SHANK2: variants seen among roughly 807,000 people sequenced by gnomAD.
SHANK2 encodes the protein SH3 and multiple ankyrin repeat domains 2.
In SHANK2, 43 loss-of-function variants were observed where a neutral mutation model predicts 133.7. The ratio of observed to expected loss-of-function variants is 0.32; its 90% CI spans 0.25 to 0.41. SHANK2 has a LOEUF of 0.41. SHANK2 is among the 10% of genes least tolerant of loss of function. SHANK2 has a pLI of 1.00. For missense variants in SHANK2, 1,994 were observed against 2,235.8 expected, an observed-to-expected ratio of 0.89 and a Z score of 2.18; for synonymous variants, 1,017 against 952.8, an observed-to-expected ratio of 1.07 and a Z score of -1.24.
chr11:70,944,093 A>C (rs1210540190), intron 10 of SHANK2: 9 of 390,592 alleles, frequency 2.3e-5, no homozygotes, highest in Non-Finnish European at 4.6e-5. Flanking sequence ...AGTCGACTGC[A>C]ATTCTATTTC....
intron 2 of SHANK2, among the ~76,000 whole-genome samples, chr11:71,166,899 A>G (rs1234226721): frequency 7.1e-6 from 1 of 140,652 alleles, no homozygotes; most frequent in Non-Finnish European, 1.6e-5. Flanking sequence ...ACAAGTGAAC[A>G]AAGGTCTCTG....
chr11:70,888,592 G>C (rs139923234), intron 11 of SHANK2, among the ~76,000 whole-genome samples: 5,216 of 152,132 alleles, frequency 0.034, 313 homozygotes, highest in African/African-American at 0.12. Context: ...TGAGGTGGGT[G>C]GATCACCGGA....
intron 1 of SHANK2, among the ~76,000 whole-genome samples, chr11:71,250,109 C>A (rs1192674552): frequency 7.2e-6 from 1 of 138,268 alleles, no homozygotes; most frequent in African/African-American, 2.7e-5. Context: ...CCCAACAGAC[C>A]GCCCCCCTCC....
At chr11:70,737,182 C>T (rs1377673802) in intron 14 of SHANK2, among the ~76,000 whole-genome samples, 21 of 152,172 alleles carry the variant, frequency 1.4e-4, no homozygotes, top group Admixed American at 5.9e-4. Context: ...CTGGGTGCAG[C>T]CCCCCAGGGG....
intron 14 of SHANK2, among the ~76,000 whole-genome samples, chr11:70,733,168 G>A (rs534402136): frequency 2.6e-5 from 4 of 152,268 alleles, no homozygotes; most frequent in African/African-American, 9.6e-5. Context: ...TTTGCTTGAA[G>A]CGTGGAGAGG....
intron 11 of SHANK2, among the ~76,000 whole-genome samples, chr11:70,824,816 G>A (rs1174871697): frequency 4.6e-5 from 7 of 152,204 alleles, no homozygotes; most frequent in African/African-American, 1.7e-4. Context: ...GGGGCTGGGC[G>A]GGTGGATTAA....
chr11:70,630,628 G>A (rs2060972382), intron 17 of SHANK2, among the ~76,000 whole-genome samples: 1 of 152,174 alleles, frequency 6.6e-6, no homozygotes, highest in Non-Finnish European at 1.5e-5. Flanking sequence ...GGAAAATACA[G>A]ACACACAGAG....
chr11:71,090,013 C>T (rs923936714), intron 8 of SHANK2, among the ~76,000 whole-genome samples: 51 of 152,266 alleles, frequency 3.3e-4, no homozygotes, highest in African/African-American at 1.1e-3. Flanking sequence ...CAAAAACCTC[C>T]GAGTGCTGTG....
At position 71,175,553 on chromosome 11, in the gene SHANK2, A is replaced by AGG. The variant is rs1366726498; in HGVS notation, c.-12-28216_-12-28215insCC. Among the ~76,000 whole-genome samples, 27 of 26,328 alleles carry AGG rather than the reference A, an allele frequency of 1.0e-3. 1 individual carries two copies. The highest frequency in any genetic ancestry group is 2.8e-3 in the African/African-American group (10 of 3,522). 17.3% of individuals were successfully genotyped at this position (26,328 alleles called of 152,430 possible). On this transcript the variant is annotated intron_variant, in intron 2 of 25. Transcript: ENST00000601538. This position sits in a 1 kb window ranked among gnomAD's most constrained non-coding sequence, Gnocchi z 4.2. ...GACAGACAGAGGGAGAGGGAGAGGG[A>AGG]GAGAGAGAGAGAGAGAGAGAGAGAG...
chr11:70,590,690 T>C lies in SHANK2; in HGVS notation c.2061+69138A>G, dbSNP rs1410622504. ...CAATAAGGTATTTTAAATTAAGATA[T>C]GCACACTGCTTAGACATGATGCTAT... On this transcript the variant is annotated intron_variant, in intron 17 of 25. Transcript: ENST00000601538. Among the ~76,000 whole-genome samples the C allele has an allele frequency of 2.0e-5, 3 of 152,096 alleles. No individual in the cohort carries two copies. The East Asian group carries it at 5.8e-4, about 29-fold the overall frequency.
At chr11:70,691,753 G>A (rs1945294056) in intron 15 of SHANK2, among the ~76,000 whole-genome samples, 1 of 152,106 alleles carries the variant, frequency 6.6e-6, no homozygotes, top group African/African-American at 2.4e-5. Flanking sequence ...AATTAGCCAG[G>A]CATGGTGGCA....
At chr11:70,689,867 T>TG (rs1229804165) in intron 15 of SHANK2, among the ~76,000 whole-genome samples, 4 of 152,054 alleles carry the variant, frequency 2.6e-5, no homozygotes, top group Non-Finnish European at 5.9e-5. Flanking sequence ...TCTCAAAAAT[T>TG]GACAACAGAG....
chr11:71,067,769 T>C (rs1323859842), intron 9 of SHANK2, among the ~76,000 whole-genome samples: 3 of 151,846 alleles, frequency 2.0e-5, no homozygotes, highest in Non-Finnish European at 4.4e-5. Context: ...ACCATCACCA[T>C]CACTGCCATC....
At chr11:71,084,266 C>T (rs1030566130) in intron 8 of SHANK2, among the ~76,000 whole-genome samples, 35 of 152,138 alleles carry the variant, frequency 2.3e-4, no homozygotes, top group African/African-American at 8.2e-4. Context: ...CCACCGCACC[C>T]GGCCCGAATA....
intron 2 of SHANK2, among the ~76,000 whole-genome samples, chr11:71,222,107 C>T (rs1190435394): frequency 4.6e-5 from 7 of 151,924 alleles, no homozygotes; most frequent in African/African-American, 1.7e-4. Context: ...TCATCGACAT[C>T]CCCAAGAGGA....
chr11:71,089,281 G>A (rs1335308550), intron 8 of SHANK2, among the ~76,000 whole-genome samples: 2 of 152,156 alleles, frequency 1.3e-5, no homozygotes, highest in Admixed American at 6.5e-5. Context: ...ACAGCCAAGC[G>A]CAGCAAGGAG....
chr11:70,810,858 G>T (rs561857223), intron 12 of SHANK2, among the ~76,000 whole-genome samples: 20 of 152,292 alleles, frequency 1.3e-4, no homozygotes, highest in Non-Finnish European at 2.5e-4. Context: ...AGGCTGGACC[G>T]GCAGCAGCCA....
In SHANK2 at chr11:70,468,821, GACA is replaced by G. The variant is rs1414680211; in HGVS notation, c.*4045_*4047del. 6.6e-6 allele frequency: 1 copy of G among 152,206 alleles called. No individual in the cohort carries two copies. Among genetic ancestry groups the G allele is most frequent in the African/African-American group, 2.4e-5 (1 of 41,454 alleles). 9.4% of individuals were successfully genotyped at this position (152,206 alleles called of 1,614,324 possible). ...AGTAGAAGAAACTTTAGGAACTAAA[GACA>G]ACAAGTTTTCACTGGTGAGGCCAAA... On this transcript the variant is annotated 3_prime_UTR_variant, in exon 26 of 26. Transcript: ENST00000601538.
chr11:70,879,889 G>A (rs959672822), intron 11 of SHANK2, among the ~76,000 whole-genome samples: 14 of 152,348 alleles, frequency 9.2e-5, no homozygotes, highest in African/African-American at 3.4e-4. Flanking sequence ...AGGGAAAGCG[G>A]AGTCCACAGG....
Sources: gnomAD v4.1 joint callset for allele counts (sites outside exome capture counted in the v4.1 genomes callset) on GRCh38, gnomAD v4.1.1 for gene constraint, Gnocchi (gnomAD v3.1) non-coding constraint, MANE v1.5 for transcripts, NCBI Gene and HGNC (gene_info 2026-07-23, HGNC 2026-07-21) for gene names.